ST18: variants seen among roughly 807,000 people sequenced by gnomAD.
ST18 encodes the protein suppression of tumorigenicity 18 protein.
A neutral mutation model predicts 110.0 loss-of-function variants in ST18; 50 were observed. The ratio of observed to expected loss-of-function variants is 0.45; its 90% confidence interval spans 0.36 to 0.58. The LOEUF is 0.58. Among genes scored for constraint, ST18 ranks in the 20% least tolerant of loss-of-function variants. The pLI is 0.00. For missense variants in ST18, 1,306 were observed against 1,280.1 expected (o/e 1.02, Z -0.31); for synonymous variants, 461 against 452.4 (o/e 1.02, Z -0.24).
intron 2 of ST18, among the ~76,000 whole-genome samples, chr8:52,345,620 C>T (rs536933579): frequency 4.6e-5 from 7 of 152,276 alleles, no homozygotes; most frequent in Admixed American, 2.0e-4. Flanking sequence ...CTTCCAACCA[C>T]GCCTATAGAG....
At chr8:52,138,726 C>T (rs1306099804) in intron 17 of ST18, among the ~76,000 whole-genome samples, 1 of 152,056 alleles carries the variant, frequency 6.6e-6, no homozygotes, top group African/African-American at 2.4e-5. Flanking sequence ...GCAGGTGGAC[C>T]CCAGCCTACT....
In ST18 at chr8:52,112,935, AAAAG is replaced by A. The variant is rs2040949608; in HGVS notation, c.*259_*262del. The stretch of plus-strand genomic sequence containing the variant: ...ATTTTACATATACTTTACAAAAAAA[AAAAG>A]AGTACAATGAAGAAATAAAAGAAAA... On this transcript the variant is annotated 3_prime_UTR_variant, in exon 26 of 26. Transcript: ENST00000689386. The A allele has an allele frequency of 3.7e-6, 1 of 271,514 alleles. No individual in the cohort carries two copies. Among genetic ancestry groups the A allele is most frequent in the Non-Finnish European group, 6.6e-6 (1 of 150,382 alleles). 16.8% of individuals were successfully genotyped at this position (271,514 alleles called of 1,614,324 possible).
At chr8:52,236,390 A>G (rs1232039303) in intron 2 of ST18, among the ~76,000 whole-genome samples, 1 of 152,132 alleles carries the variant, frequency 6.6e-6, no homozygotes, top group Non-Finnish European at 1.5e-5. Context: ...CGGGTGGATC[A>G]CTTGAGTTCA....
At chr8:52,357,678 T>A (rs1359586718) in intron 2 of ST18, among the ~76,000 whole-genome samples, 5 of 8,314 alleles carry the variant, frequency 6.0e-4, no homozygotes, top group African/African-American at 2.2e-3. Flanking sequence ...AATCTATAAA[T>A]ATATATATAT....
intron 2 of ST18, chr8:52,301,897 G>A (rs1163763353): frequency 7.9e-5 from 12 of 152,280 alleles, no homozygotes; most frequent in East Asian, 3.9e-4. Context: ...AGGCATCCAA[G>A]TAAGGAGGTG....
At chr8:52,320,372 T>C (rs1438169617) in intron 2 of ST18, among the ~76,000 whole-genome samples, 3 of 151,972 alleles carry the variant, frequency 2.0e-5, no homozygotes, top group Admixed American at 1.3e-4. Context: ...ATGTTCCTAC[T>C]ATTGATTTTT....
chr8:52,310,139 G>A (rs1477583747), intron 2 of ST18, among the ~76,000 whole-genome samples: 1 of 152,144 alleles, frequency 6.6e-6, no homozygotes, highest in Non-Finnish European at 1.5e-5. Context: ...TTAAAATATG[G>A]ATTATAAAGA....
chr8:52,371,639 C>A (rs528813137), intron 2 of ST18, among the ~76,000 whole-genome samples: 3 of 152,254 alleles, frequency 2.0e-5, no homozygotes, highest in Non-Finnish European at 4.4e-5. Flanking sequence ...ATAAGCTCAA[C>A]GCTTTTCCAG....
chr8:52,248,027 A>G (rs1417808124), intron 2 of ST18, among the ~76,000 whole-genome samples: 1 of 152,100 alleles, frequency 6.6e-6, no homozygotes, highest in African/African-American at 2.4e-5. Context: ...ATATAAACAA[A>G]ATAAATGTTA....
intron 10 of ST18, among the ~76,000 whole-genome samples, chr8:52,167,966 A>G (rs1347627009): frequency 6.6e-6 from 1 of 152,060 alleles, no homozygotes. Context: ...AAACATGAAT[A>G]CTGGTGAGCT....
chr8:52,262,776 G>A (rs1194484037), intron 2 of ST18, among the ~76,000 whole-genome samples: 2 of 152,192 alleles, frequency 1.3e-5, no homozygotes, highest in African/African-American at 2.4e-5. Context: ...CTTTGCAGCT[G>A]CCTTACCTCC....
At chr8:52,290,767 A>G (rs1426181224) in intron 2 of ST18, among the ~76,000 whole-genome samples, 1 of 152,040 alleles carries the variant, frequency 6.6e-6, no homozygotes, top group African/African-American at 2.4e-5. Flanking sequence ...CTCCTCACCA[A>G]TCAAGCGAGG....
chr8:52,373,252 C>T (rs1383933904), intron 2 of ST18, among the ~76,000 whole-genome samples: 1 of 152,104 alleles, frequency 6.6e-6, no homozygotes, highest in Non-Finnish European at 1.5e-5. Context: ...AGTAAGCCCT[C>T]CCTCCTCCCC....
Position 52,118,340 on chromosome 8 carries a change from G to T in ST18, c.2857C>A (p.Gln953Lys), listed in dbSNP as rs1159437710. 1.3e-6 allele frequency: 2 copies of T among 1,585,224 alleles called. No homozygotes were observed. The highest frequency in any genetic ancestry group is 1.4e-5 in the African/African-American group (1 of 73,546). Residue 953 changes from glutamine (Q) to lysine (K), a missense_variant and splice_region_variant, in exon 24 of 26, where the codon CAG becomes AAG. Transcript: ENST00000689386. ...IEADMMKLQT[Q>K]ITSMESNLKT... Reference sequence around the variant, plus strand: ...CATGAATTACTTCTTTTTTTTACCTGGGTCTGAAGTTTCATCATATCTGCT... The same window carrying T: ...CATGAATTACTTCTTTTTTTTACCTTGGTCTGAAGTTTCATCATATCTGCT...
intron 2 of ST18, among the ~76,000 whole-genome samples, chr8:52,314,817 G>C (rs2095993701): frequency 6.6e-6 from 1 of 152,076 alleles, no homozygotes; most frequent in African/African-American, 2.4e-5. Context: ...AGATCCCTGG[G>C]GCAGCAGGGA....
At chr8:52,191,856 G>C (rs9643470) in intron 8 of ST18, among the ~76,000 whole-genome samples, 31,588 of 152,052 alleles carry the variant, frequency 0.21, 6,815 homozygotes, top group African/African-American at 0.55. Flanking sequence ...GAGATGAATG[G>C]TTTAACTGGA....
intron 2 of ST18, among the ~76,000 whole-genome samples, chr8:52,238,507 A>G (rs1345141443): frequency 6.6e-6 from 1 of 152,130 alleles, no homozygotes; most frequent in African/African-American, 2.4e-5. Flanking sequence ...CAAAGGAAAA[A>G]ATTATTACAC....
At chr8:52,268,470 T>TCTAC (rs1451266318) in intron 2 of ST18, among the ~76,000 whole-genome samples, 1 of 67,892 alleles carries the variant, frequency 1.5e-5, no homozygotes, top group African/African-American at 4.4e-5. Context: ...CTATCTATCA[T>TCTAC]CTATCTATCT....
At chr8:52,317,314 A>C (rs2096048360) in intron 2 of ST18, among the ~76,000 whole-genome samples, 1 of 152,208 alleles carries the variant, frequency 6.6e-6, no homozygotes, top group Admixed American at 6.5e-5. Flanking sequence ...GAATACACAG[A>C]CACAAAGGGG....
Sources: gnomAD v4.1 joint callset for allele counts (sites outside exome capture counted in the v4.1 genomes callset) on GRCh38, gnomAD v4.1.1 for gene constraint, MANE v1.5 for transcripts, NCBI Gene and HGNC (gene_info 2026-07-23, HGNC 2026-07-21) for gene names.